ECPAS: variants seen among roughly 807,000 people sequenced by gnomAD.
The protein encoded by ECPAS is proteasome adapter and scaffold protein ECM29.
ECPAS carries 70 observed loss-of-function variants against 255.1 expected under a neutral mutation model. The observed-to-expected ratio is 0.27, with a 90% CI of 0.23 to 0.33. The LOEUF is 0.33. ECPAS is among the 10% of genes least tolerant of loss of function. ECPAS has a pLI of 1.00. For missense variants in ECPAS, 1,817 were observed against 2,206.4 expected, an observed-to-expected ratio of 0.82 and a Z score of 3.54; for synonymous variants, 784 against 775.0, an observed-to-expected ratio of 1.01 and a Z score of -0.19.
chr9:111,483,643 C>A, intron 1 of ECPAS: 1 of 214,172 alleles, frequency 4.7e-6, no homozygotes, highest in South Asian at 1.5e-4. Flanking sequence ...CGCCTCCGTT[C>A]ACTCGGCGCG....
At chr9:111,393,771 C>A (rs992884638) in intron 26 of ECPAS, 37 bp from the exon 27 acceptor site, 7 of 1,367,754 alleles carry the variant, frequency 5.1e-6, no homozygotes, top group Non-Finnish European at 7.2e-6. Flanking sequence ...CACTGAAACT[C>A]TACCTCTTTG....
In ECPAS at chr9:111,392,893, G is replaced by A. The variant is rs953996225; in HGVS notation, c.2978-11C>T. On this transcript the variant is annotated splice_polypyrimidine_tract_variant and intron_variant, in intron 27 of 49. Coordinates refer to ENST00000684092, the MANE Select transcript of ECPAS (RefSeq NM_001364929.1). ...CATCTTGGCTAAGTTCTACAAGAAA[G>A]TCAGACAAGATTGTATCACTTTAAA... 101 of 1,582,832 alleles carry A rather than the reference G, an allele frequency of 6.4e-5. No homozygotes were observed. Among genetic ancestry groups the A allele is most frequent in the Non-Finnish European group, 8.4e-5 (98 of 1,161,320 alleles).
At chr9:111,395,865 G>T (rs1025315354) in intron 25 of ECPAS, among the ~76,000 whole-genome samples, 1 of 152,024 alleles carries the variant, frequency 6.6e-6, no homozygotes, top group African/African-American at 2.4e-5. Context: ...ACTGCTCCTT[G>T]CCTTGCTTCA....
At chr9:111,438,345 G>C (rs1052685163) in intron 6 of ECPAS, among the ~76,000 whole-genome samples, 3 of 152,188 alleles carry the variant, frequency 2.0e-5, no homozygotes, top group African/African-American at 4.8e-5. Context: ...ACACCCTAAG[G>C]CTGGGTGTGG....
At chr9:111,430,442 G>A in intron 9 of ECPAS, 105 bp downstream of exon 9, 7 of 749,572 alleles carry the variant, frequency 9.3e-6, no homozygotes. Context: ...TTTTGTTATA[G>A]CACAGATTCA....
chr9:111,425,362 T>C (rs2098219984), intron 12 of ECPAS, 56 bp downstream of exon 12: 3 of 1,137,826 alleles, frequency 2.6e-6, no homozygotes, highest in Non-Finnish European at 3.7e-6. Context: ...AGAAATATTA[T>C]AGAAAATACT....
rs1328816941 is a variant in ECPAS at position 111,407,290 on chromosome 9, T to TA, written c.2652+1280dup. 6.9e-5 allele frequency among the ~76,000 whole-genome samples: 10 copies of TA among 144,598 alleles called. 1 individual carries two copies. Among genetic ancestry groups the TA allele is most frequent in the African/African-American group, 2.7e-4 (10 of 36,738 alleles). 94.9% of individuals were successfully genotyped at this position (144,598 alleles called of 152,430 possible). A position where few individuals can be genotyped will look rare whatever the true frequency, so the allele number is the denominator to read the frequency against. ...GGTGGCGTGCGCTTGTAATCCCAAC[T>TA]ACTTAGGAGGCTGACGAAGGAGAAT... is the stretch of plus-strand genomic sequence containing the variant. On this transcript the variant is annotated intron_variant, in intron 24 of 49. Transcript: ENST00000684092.
intron 26 of ECPAS, 91 bp from the exon 27 acceptor site, chr9:111,393,825 C>A: frequency 1.0e-6 from 1 of 962,852 alleles, no homozygotes; most frequent in Non-Finnish European, 1.6e-6. Context: ...AATTTGTAGT[C>A]TTATTATCCA....
rs867773171 is a variant in ECPAS, at chr9:111,484,011, C to T, written c.-83+105G>A. On this transcript the variant is annotated intron_variant, in intron 1 of 49. Coordinates refer to ENST00000684092, the MANE Select transcript of ECPAS (RefSeq NM_001364929.1). Reference sequence around the variant, plus strand: ...TGTCGCCGCCCGCCCCGCGTGCGCTCCCCGCGCGGACTCGACACGCGGCGG... The same window carrying T: ...TGTCGCCGCCCGCCCCGCGTGCGCTTCCCGCGCGGACTCGACACGCGGCGG... 5.4e-4 allele frequency: 551 copies of T among 1,020,150 alleles called. 3 individuals carry two copies. The South Asian group carries it at 6.3e-3, about 12-fold the overall frequency. 63.2% of individuals were successfully genotyped at this position (1,020,150 alleles called of 1,614,324 possible). A position where few individuals can be genotyped will look rare whatever the true frequency, so the allele number is the denominator to read the frequency against.
chr9:111,403,341 C>T (rs56388227), intron 24 of ECPAS, among the ~76,000 whole-genome samples: 7,203 of 147,772 alleles, frequency 0.049, 416 homozygotes, highest in African/African-American at 0.13. Flanking sequence ...GACAATGGAG[C>T]GAGACTCCAT....
chr9:111,470,746 CCACACACACACACACACACA>C (rs57091815), intron 2 of ECPAS, among the ~76,000 whole-genome samples: 7 of 124,494 alleles, frequency 5.6e-5, no homozygotes, highest in Non-Finnish European at 8.2e-5. Flanking sequence ...TCTCCTCCCG[CCACACACACACACACACACA>C]CACACACACA....
chr9:111,473,698 G>C (rs2132092470), intron 1 of ECPAS, among the ~76,000 whole-genome samples: 1 of 152,330 alleles, frequency 6.6e-6, no homozygotes, highest in East Asian at 1.9e-4. Context: ...CAGGCACGGT[G>C]GCTCACGCCT....
chr9:111,450,770 A>G (rs912839155), intron 3 of ECPAS, among the ~76,000 whole-genome samples: 6 of 152,128 alleles, frequency 3.9e-5, no homozygotes, highest in African/African-American at 1.4e-4. Flanking sequence ...TCCACAAAAA[A>G]TTTAAACATT....
intron 5 of ECPAS, among the ~76,000 whole-genome samples, chr9:111,441,826 T>C (rs1424642124): frequency 6.6e-6 from 1 of 152,242 alleles, no homozygotes; most frequent in Non-Finnish European, 1.5e-5. Context: ...TTCATCATGA[T>C]TCTCACTATG....
chr9:111,423,390 C>T (rs2098217107), intron 12 of ECPAS, 142 bp from the exon 13 acceptor site: 1 of 631,468 alleles, frequency 1.6e-6, no homozygotes, highest in Non-Finnish European at 2.8e-6. Flanking sequence ...CTCTGTCTAA[C>T]TACATGGTGT....
intron 4 of ECPAS, 63 bp downstream of exon 4, chr9:111,444,315 T>C: frequency 9.2e-7 from 1 of 1,085,226 alleles, no homozygotes; most frequent in Non-Finnish European, 1.4e-6. Context: ...GTTGATGACA[T>C]CTAATAAATG....
intron 3 of ECPAS, among the ~76,000 whole-genome samples, chr9:111,446,651 C>CG (rs2098253429): frequency 6.6e-6 from 1 of 152,178 alleles, no homozygotes; most frequent in Admixed American, 6.5e-5. Flanking sequence ...TCTATGCACT[C>CG]TTCCCCCAGG....
intron 4 of ECPAS, among the ~76,000 whole-genome samples, chr9:111,444,099 ATT>A (rs2098249692): frequency 6.6e-6 from 1 of 152,146 alleles, no homozygotes; most frequent in South Asian, 2.1e-4. Flanking sequence ...AAATCAAATC[ATT>A]CTTTTATATA....
At chr9:111,467,354 T>G (rs925732902) in intron 2 of ECPAS, among the ~76,000 whole-genome samples, 3 of 152,168 alleles carry the variant, frequency 2.0e-5, no homozygotes, top group African/African-American at 7.2e-5. Flanking sequence ...TCAAAAGGAA[T>G]AGAGAAAGGA....
Sources: gnomAD v4.1 joint callset for allele counts (sites outside exome capture counted in the v4.1 genomes callset) on GRCh38, gnomAD v4.1.1 for gene constraint, MANE v1.5 for transcripts, NCBI Gene and HGNC (gene_info 2026-07-23, HGNC 2026-07-21) for gene names.